RANBP17: variants seen among roughly 807,000 people sequenced by gnomAD.
RANBP17 encodes the protein RAN binding protein 17.
RANBP17 carries 158 observed loss-of-function variants against 141.2 expected under a neutral mutation model. The ratio of observed to expected loss-of-function variants is 1.12; its 90% confidence interval spans 0.98 to 1.28. The LOEUF (loss-of-function observed/expected upper bound fraction) is 1.28, where lower values mean the gene tolerates loss of function less well. Among genes scored for constraint, RANBP17 ranks in the 50% most tolerant of loss-of-function variants. The pLI is 0.00. For missense variants in RANBP17, 1,438 were observed against 1,290.7 expected (o/e 1.11, Z -1.75); for synonymous variants, 430 against 450.0 (o/e 0.96, Z 0.56).
intron 14 of RANBP17, among the ~76,000 whole-genome samples, chr5:171,127,941 A>G (rs1756614586): frequency 6.6e-6 from 1 of 152,232 alleles, no homozygotes; most frequent in Non-Finnish European, 1.5e-5. Context: ...CGGGCAGATC[A>G]TGAGCAGGAG....
At position 170,940,126 on chromosome 5, in the gene RANBP17, G is replaced by A. The variant is rs191204261; in HGVS notation, c.1469-13471G>A. Among the ~76,000 whole-genome samples the A allele has an allele frequency of 1.5e-3, 233 of 152,156 alleles. No homozygotes were observed. The Middle Eastern group carries it at 0.027, about 18-fold the overall frequency. On this transcript the variant is annotated intron_variant, in intron 12 of 27. Transcript: ENST00000523189. ...TATAAATTTGAATATTTTAAAAATA[G>A]CCAATTAATTATAAGTTACATACTC...
chr5:171,174,664 A>C (rs981847025), intron 16 of RANBP17, among the ~76,000 whole-genome samples: 2 of 151,986 alleles, frequency 1.3e-5, no homozygotes, highest in African/African-American at 4.8e-5. Context: ...GGTTTCAGAA[A>C]GGAAATTTCA....
intron 12 of RANBP17, among the ~76,000 whole-genome samples, chr5:170,950,713 G>A (rs572112638): frequency 2.6e-4 from 39 of 152,280 alleles, no homozygotes; most frequent in African/African-American, 9.1e-4. Flanking sequence ...GTATTGTCCA[G>A]CAATCCCAAT....
At chr5:170,883,603 A>T (rs1279866525) in intron 3 of RANBP17, among the ~76,000 whole-genome samples, 2 of 152,144 alleles carry the variant, frequency 1.3e-5, no homozygotes, top group African/African-American at 4.8e-5. Flanking sequence ...CTGCCTATTC[A>T]TCCCACCCTC....
At chr5:171,260,609 A>G (rs1348873903) in intron 24 of RANBP17, among the ~76,000 whole-genome samples, 1 of 152,176 alleles carries the variant, frequency 6.6e-6, no homozygotes, top group Non-Finnish European at 1.5e-5. Flanking sequence ...TAGGGTGACT[A>G]TAGTTAACAA....
intron 14 of RANBP17, among the ~76,000 whole-genome samples, chr5:171,069,125 T>G (rs1470746856): frequency 6.6e-6 from 1 of 152,202 alleles, no homozygotes; most frequent in Non-Finnish European, 1.5e-5. Context: ...TTCTGTTTCT[T>G]TAAATTATTT....
chr5:171,209,425 G>T (rs1762751914), intron 20 of RANBP17, among the ~76,000 whole-genome samples: 1 of 152,126 alleles, frequency 6.6e-6, no homozygotes, highest in Non-Finnish European at 1.5e-5. Flanking sequence ...GTAATTGGCA[G>T]TATCATTTTG....
intron 14 of RANBP17, among the ~76,000 whole-genome samples, chr5:171,014,396 C>T (rs1780291632): frequency 6.6e-6 from 1 of 151,888 alleles, no homozygotes; most frequent in Non-Finnish European, 1.5e-5. Flanking sequence ...GGATTTTTGC[C>T]TTTCTTTGGA....
chr5:170,976,941 G>T (rs1306459797), intron 14 of RANBP17, among the ~76,000 whole-genome samples: 1 of 151,986 alleles, frequency 6.6e-6, no homozygotes, highest in African/African-American at 2.4e-5. Flanking sequence ...TTTGGACAAT[G>T]GTTTCTTAGC....
intron 14 of RANBP17, among the ~76,000 whole-genome samples, chr5:170,995,903 G>A (rs1778788074): frequency 6.6e-6 from 1 of 152,190 alleles, no homozygotes; most frequent in East Asian, 1.9e-4. Context: ...CATGTGCCTT[G>A]TAGTTCCAGA....
Position 170,884,666 on chromosome 5 carries a change from C to T in RANBP17, c.256+2770C>T, listed in dbSNP as rs888060478. On this transcript the variant is annotated intron_variant, in intron 3 of 27. Coordinates refer to ENST00000523189, the MANE Select transcript of RANBP17 (RefSeq NM_022897.5). Reference sequence around the variant, plus strand: ...TATGGAAATACATTGTAATTTCTGTCTGACTTTTTTGCTTTTTCATTTCTT... The same window carrying T: ...TATGGAAATACATTGTAATTTCTGTTTGACTTTTTTGCTTTTTCATTTCTT... Among the ~76,000 whole-genome samples the T allele has an allele frequency of 7.9e-5, 12 of 152,052 alleles. No individual in the cohort carries two copies. The East Asian group carries it at 2.1e-3, about 27-fold the overall frequency.
At chr5:171,120,587 ATT>A (rs1036533345) in intron 14 of RANBP17, among the ~76,000 whole-genome samples, 1 of 152,124 alleles carries the variant, frequency 6.6e-6, no homozygotes, top group Non-Finnish European at 1.5e-5. Flanking sequence ...TCTTAATTGC[ATT>A]TCTCATTCAA....
chr5:171,238,983 G>A (rs770784357), intron 22 of RANBP17, among the ~76,000 whole-genome samples: 6 of 152,082 alleles, frequency 3.9e-5, no homozygotes, highest in East Asian at 3.9e-4. Flanking sequence ...TTCCCCCAAC[G>A]GACTGAACTC....
chr5:171,087,269 C>A (rs1250380280), intron 14 of RANBP17, among the ~76,000 whole-genome samples: 1 of 152,102 alleles, frequency 6.6e-6, no homozygotes, highest in East Asian at 1.9e-4. Context: ...TGTAGTTGTG[C>A]AGCTTTGAGT....
At position 170,972,108 on chromosome 5, in the gene RANBP17, G is replaced by A. The variant is rs941202970; in HGVS notation, c.1710+3731G>A. Among the ~76,000 whole-genome samples, 4 of 149,854 alleles carry A rather than the reference G, an allele frequency of 2.7e-5. No homozygotes were observed. The South Asian group carries it at 8.4e-4, about 32-fold the overall frequency. On this transcript the variant is annotated intron_variant, in intron 14 of 27. Coordinates refer to ENST00000523189, the MANE Select transcript of RANBP17 (RefSeq NM_022897.5). ...TTTTGTACTTTTTCTACATTTCTGT[G>A]TATATATAAACAAAACACAGCACTG...
intron 14 of RANBP17, among the ~76,000 whole-genome samples, chr5:171,162,343 G>T: frequency 6.6e-6 from 1 of 152,164 alleles, no homozygotes; most frequent in Non-Finnish European, 1.5e-5. Context: ...TCTGTGGACT[G>T]CATATCCTGT....
intron 14 of RANBP17, among the ~76,000 whole-genome samples, chr5:170,980,919 C>T (rs1370607991): frequency 6.6e-6 from 1 of 152,138 alleles, no homozygotes; most frequent in Non-Finnish European, 1.5e-5. Context: ...CATCGCCAGC[C>T]TGTGAAAGCA....
At chr5:170,982,147 T>A (rs940535353) in intron 14 of RANBP17, among the ~76,000 whole-genome samples, 4 of 152,164 alleles carry the variant, frequency 2.6e-5, no homozygotes, top group South Asian at 2.1e-4. Flanking sequence ...TTAGCCAGGG[T>A]TAAAACCCCA....
intron 18 of RANBP17, among the ~76,000 whole-genome samples, chr5:171,186,737 C>T (rs11955782): frequency 0.026 from 3,893 of 150,530 alleles, 160 homozygotes; most frequent in African/African-American, 0.086. Flanking sequence ...GGGGTTTCAC[C>T]GTTTTAGCCG....
Sources: gnomAD v4.1 joint callset for allele counts (sites outside exome capture counted in the v4.1 genomes callset) on GRCh38, gnomAD v4.1.1 for gene constraint, MANE v1.5 for transcripts, NCBI Gene and HGNC (gene_info 2026-07-23, HGNC 2026-07-21) for gene names.